Variants in KLRG1 observed in about 807,000 individuals in gnomAD.
KLRG1 encodes killer cell lectin-like receptor subfamily G member 1.
In KLRG1, 16 loss-of-function variants were observed where a neutral mutation model predicts 21.8. The ratio of observed to expected loss-of-function variants is 0.73; its 90% CI spans 0.50 to 1.11. The LOEUF is 1.11. Ranked by LOEUF, KLRG1 falls within the 50% of genes most tolerant of loss-of-function variation. KLRG1 has a pLI of 0.00. For missense variants in KLRG1, 173 were observed against 218.3 expected (o/e 0.79, Z 1.31); for synonymous variants, 69 against 75.9 (o/e 0.91, Z 0.47).
At chr12:9,021,999 C>T in the KLRG1 span, among the ~76,000 whole-genome samples, 1 of 152,054 alleles carries the variant, frequency 6.6e-6, no homozygotes, top group African/African-American at 2.4e-5. Flanking sequence ...ATGGCATGTG[C>T]CTGTAATCCT....
chr12:8,960,310 C>A (rs1490853060), intron 1 of KLRG1, among the ~76,000 whole-genome samples: 1 of 152,078 alleles, frequency 6.6e-6, no homozygotes, highest in African/African-American at 2.4e-5. Flanking sequence ...GTCAGAGTAC[C>A]AGAGAAAAGA....
chr12:9,026,685 CT>C, the KLRG1 span, among the ~76,000 whole-genome samples: 73 of 151,356 alleles, frequency 4.8e-4, no homozygotes, highest in Non-Finnish European at 9.4e-4. Context: ...TTCTTTTTTT[CT>C]TTTTTTGTCT....
chr12:9,098,458 A>T, the KLRG1 span: 1 of 623,666 alleles, frequency 1.6e-6, no homozygotes, highest in Non-Finnish European at 2.4e-6. Context: ...ATAATTCCTT[A>T]CCAATGAAAG....
intron 3 of KLRG1, among the ~76,000 whole-genome samples, chr12:9,000,787 A>G (rs1035489836): frequency 1.3e-5 from 2 of 152,166 alleles, no homozygotes; most frequent in African/African-American, 2.4e-5. Context: ...GGATGCTTCA[A>G]CCTTTTGACT....
At chr12:9,100,469 G>C in the KLRG1 span, among the ~76,000 whole-genome samples, 1 of 151,148 alleles carries the variant, frequency 6.6e-6, no homozygotes, top group Non-Finnish European at 1.5e-5. Flanking sequence ...TATAGAGATG[G>C]GGTCTCACTA....
the KLRG1 span, among the ~76,000 whole-genome samples, chr12:9,070,308 A>G: frequency 6.6e-6 from 1 of 152,258 alleles, no homozygotes; most frequent in African/African-American, 2.4e-5. Flanking sequence ...GTCCTAGCAC[A>G]GTGCTCTGCA....
In KLRG1 at chr12:8,989,593, T is replaced by A. The variant is rs749726595; in HGVS notation, c.-43T>A. ...TGATACATATCCCTTCACACTTCTA[T>A]AATTTAACTCTCTCAACTGCATGTG... On this transcript the variant is annotated 5_prime_UTR_variant, in exon 1 of 5. Transcript: ENST00000356986. The A allele has an allele frequency of 7.7e-7, 1 of 1,297,094 alleles. No homozygotes were observed. The highest frequency in any genetic ancestry group is 1.8e-5 in the Admixed American group (1 of 56,080). 80.3% of individuals were successfully genotyped at this position (1,297,094 alleles called of 1,614,324 possible).
chr12:9,095,751 T>G, the KLRG1 span: 724 of 1,406,066 alleles, frequency 5.1e-4, 3 homozygotes, highest in South Asian at 6.1e-3. Flanking sequence ...ACTTTTTTTT[T>G]TTTTTTTTTT....
At chr12:9,108,096 C>T in the KLRG1 span, among the ~76,000 whole-genome samples, 4 of 141,578 alleles carry the variant, frequency 2.8e-5, no homozygotes, top group Admixed American at 2.9e-4. Context: ...TCGAGTTTCA[C>T]TTGTTTATTT....
At position 8,979,070 on chromosome 12, in the gene KLRG1, A is replaced by AATGGTGC. The variant is rs1343498594; in HGVS notation, c.-155-13134_-155-13128dup. Among the ~76,000 whole-genome samples, 4 of 143,694 alleles carry AATGGTGC rather than the reference A, an allele frequency of 2.8e-5. No individual in the cohort carries two copies. The East Asian group carries it at 8.3e-4, about 30-fold the overall frequency. 94.3% of individuals were successfully genotyped at this position (143,694 alleles called of 152,430 possible). On this transcript the variant is annotated intron_variant, in intron 1 of 4. Transcript: ENST00000539240. ...TGCTCTGTCACCCAGACTGGAGTGC[A>AATGGTGC]ATGGTGCAATGTCAGCTCACTGCAG...
intron 1 of KLRG1, among the ~76,000 whole-genome samples, chr12:8,966,980 A>G (rs200022621): frequency 6.7e-6 from 1 of 148,346 alleles, no homozygotes; most frequent in East Asian, 2.0e-4. Flanking sequence ...TGTGGCACAT[A>G]TACACCATGG....
the KLRG1 span, among the ~76,000 whole-genome samples, chr12:9,127,442 T>C: frequency 6.6e-6 from 1 of 152,186 alleles, no homozygotes; most frequent in African/African-American, 2.4e-5. Context: ...CAAAAATTCT[T>C]ATAATTGGTA....
At chr12:9,077,074 A>G in the KLRG1 span, 1 of 755,762 alleles carries the variant, frequency 1.3e-6, no homozygotes. Context: ...AATAGATATA[A>G]TATTATTTTT....
At chr12:9,111,788 T>C in the KLRG1 span, among the ~76,000 whole-genome samples, 1 of 152,206 alleles carries the variant, frequency 6.6e-6, no homozygotes, top group Admixed American at 6.5e-5. Flanking sequence ...CTTTCCTTTA[T>C]AGTGAAGATT....
the KLRG1 span, chr12:9,158,508 A>T: frequency 6.2e-7 from 1 of 1,614,144 alleles, no homozygotes; most frequent in Non-Finnish European, 8.5e-7. Context: ...AGATTGGGTA[A>T]TGTGTGCTTC....
chr12:9,022,551 C>T, the KLRG1 span, among the ~76,000 whole-genome samples: 1 of 152,060 alleles, frequency 6.6e-6, no homozygotes, highest in South Asian at 2.1e-4. Context: ...TCATGAATGA[C>T]TGGTGGCTGG....
At chr12:9,078,675 TGTTA>T in the KLRG1 span, among the ~76,000 whole-genome samples, 1 of 152,236 alleles carries the variant, frequency 6.6e-6, no homozygotes, top group Non-Finnish European at 1.5e-5. Context: ...TACTTATTTT[TGTTA>T]GTTACTTGAG....
At chr12:9,129,675 G>T in the KLRG1 span, among the ~76,000 whole-genome samples, 1 of 152,036 alleles carries the variant, frequency 6.6e-6, no homozygotes, top group Non-Finnish European at 1.5e-5. Flanking sequence ...GGGTTCAGGA[G>T]TAGCTGGGAC....
At chr12:9,023,095 A>G in the KLRG1 span, among the ~76,000 whole-genome samples, 3 of 152,226 alleles carry the variant, frequency 2.0e-5, no homozygotes, top group Admixed American at 1.3e-4. Flanking sequence ...GGTGTCAAGG[A>G]TACCTAGATT....
Sources: gnomAD v4.1 joint callset for allele counts (sites outside exome capture counted in the v4.1 genomes callset) on GRCh38, gnomAD v4.1.1 for gene constraint, MANE v1.5 for transcripts, NCBI Gene and HGNC (gene_info 2026-07-23, HGNC 2026-07-21) for gene names.